Variants in EFCAB13 observed in about 807,000 individuals in gnomAD.
EFCAB13 encodes EF-hand calcium-binding domain-containing protein 13.
In EFCAB13, 91 loss-of-function variants were observed where a neutral mutation model predicts 110.2. The ratio of observed to expected loss-of-function variants is 0.83; its 90% CI spans 0.70 to 0.98. The LOEUF is 0.98. Among genes scored for constraint, EFCAB13 ranks in the 50% least tolerant of loss-of-function variants. The pLI is 0.00. For missense variants in EFCAB13, 968 were observed against 1,119.4 expected (o/e 0.86, Z 1.93); for synonymous variants, 323 against 369.9 (o/e 0.87, Z 1.45).
intron 9 of EFCAB13, among the ~76,000 whole-genome samples, chr17:47,355,345 A>T (rs1419213116): frequency 6.6e-6 from 1 of 152,132 alleles, no homozygotes; most frequent in Non-Finnish European, 1.5e-5. Flanking sequence ...TAACCTGATG[A>T]CTATGTGCCA....
chr17:47,438,031 C>A (rs1348986693), intron 24 of EFCAB13, among the ~76,000 whole-genome samples: 1 of 152,146 alleles, frequency 6.6e-6, no homozygotes, highest in Non-Finnish European at 1.5e-5. Flanking sequence ...ATCTTTCCTT[C>A]ATATATGATG....
intron 24 of EFCAB13, among the ~76,000 whole-genome samples, chr17:47,432,399 A>AAATAAAT (rs1905133812): frequency 7.2e-6 from 1 of 138,460 alleles, no homozygotes; most frequent in African/African-American, 2.8e-5. Flanking sequence ...ATCCATCTCA[A>AAATAAAT]AAATAAATAA....
chr17:47,405,690 T>G (rs2065801464), intron 20 of EFCAB13, among the ~76,000 whole-genome samples: 1 of 151,616 alleles, frequency 6.6e-6, no homozygotes, highest in Admixed American at 6.6e-5. Context: ...TATTTCTCAT[T>G]CTTAAATTTA....
At position 47,440,601 on chromosome 17, in the gene EFCAB13, G is replaced by A. The variant is rs946285516; in HGVS notation, c.2809G>A (p.Val937Ile). The change falls in exon 25 of 25, where the codon GTA becomes ATA. Residue 937 changes from valine to isoleucine, a missense_variant. Transcript: ENST00000331493. Reference sequence around the variant, plus strand: ...ACAGGATTCGATAGTTAAAGCACAGGTAAGTAAGAAGCAATACAATATGAA... The same window carrying A: ...ACAGGATTCGATAGTTAAAGCACAGATAAGTAAGAAGCAATACAATATGAA... ...TIQDSIVKAQ[V>I]SKKQYNMNIK... 7.4e-6 allele frequency: 12 copies of A among 1,612,776 alleles called. No individual in the cohort carries two copies. The highest frequency in any genetic ancestry group is 1.0e-5 in the Non-Finnish European group (12 of 1,179,466).
chr17:47,393,456 A>T (rs949371615), intron 15 of EFCAB13, among the ~76,000 whole-genome samples: 8 of 152,196 alleles, frequency 5.3e-5, no homozygotes, highest in African/African-American at 1.9e-4. Flanking sequence ...TAATGGCAAA[A>T]AAGGAGAAAG....
chr17:47,414,896 G>A lies in EFCAB13; in HGVS notation c.2471G>A (p.Ser824Asn), dbSNP rs1567803641. The change falls in exon 23 of 25, where the codon AGT (serine) becomes AAT (asparagine). Residue 824 changes from serine to asparagine, a missense_variant. Coordinates refer to ENST00000331493, the MANE Select transcript of EFCAB13 (RefSeq NM_152347.5). ...LKDFLMKMKE[S>N]PHFQKSKATQ... Reference sequence around the variant, plus strand: ...GATTTCTTAATGAAAATGAAAGAAAGTCCACATTTCCAAAAGTCCAAGGGT... The same window carrying A: ...GATTTCTTAATGAAAATGAAAGAAAATCCACATTTCCAAAAGTCCAAGGGT... 5.0e-6 allele frequency: 8 copies of A among 1,606,580 alleles called. No homozygotes were observed. Among genetic ancestry groups the A allele is most frequent in the Non-Finnish European group, 6.8e-6 (8 of 1,174,650 alleles).
chr17:47,384,064 T>C (rs2065661691), intron 14 of EFCAB13, among the ~76,000 whole-genome samples: 2 of 152,162 alleles, frequency 1.3e-5, no homozygotes, highest in African/African-American at 4.8e-5. Context: ...GCTCTTCTTG[T>C]TGCATTAATC....
chr17:47,435,835 G>A (rs924699860), intron 24 of EFCAB13, among the ~76,000 whole-genome samples: 1 of 152,102 alleles, frequency 6.6e-6, no homozygotes, highest in Admixed American at 6.5e-5. Context: ...AAGAGGAGTG[G>A]TGAGAGTGGG....
chr17:47,391,437 C>T lies in EFCAB13; in HGVS notation c.1583C>T (p.Ala528Val), dbSNP rs146472387. 48 of 1,545,272 alleles carry T rather than the reference C, an allele frequency of 3.1e-5. No individual in the cohort carries two copies. The highest frequency in any genetic ancestry group is 9.1e-5 in the South Asian group (7 of 76,550). Reference protein sequence around the residue: ...AKERSFPECNALPGVIKAIDK... With the variant: ...AKERSFPECNVLPGVIKAIDK... ...TATTAGCATACTCCTTTATTTTTAG[C>T]GTTGCCTGGTGTCATTAAAGCCATT... The change falls in exon 15 of 25, where the codon GCG (alanine) becomes GTG (valine). Residue 528 changes from alanine (A) to valine (V), a missense_variant and splice_region_variant. Physicochemically the swap from Ala to Val is moderately conservative, Grantham distance 64. Transcript: ENST00000331493.
chr17:47,414,160 A>G (rs1266188646), intron 22 of EFCAB13, among the ~76,000 whole-genome samples: 1 of 152,148 alleles, frequency 6.6e-6, no homozygotes, highest in African/African-American at 2.4e-5. Flanking sequence ...GTTTAAACTC[A>G]AAGTCTCCTT....
At chr17:47,397,319 T>C (rs2065745875) in intron 17 of EFCAB13, among the ~76,000 whole-genome samples, 1 of 152,158 alleles carries the variant, frequency 6.6e-6, no homozygotes, top group Admixed American at 6.5e-5. Flanking sequence ...CAGTGCTCAA[T>C]GGTGCCCAGG....
At chr17:47,398,555 CA>C (rs542208049) in intron 17 of EFCAB13, among the ~76,000 whole-genome samples, 496 of 151,822 alleles carry the variant, frequency 3.3e-3, no homozygotes, top group African/African-American at 0.012. Context: ...ACCTTACCCC[CA>C]ACCCTGTGCT....
In EFCAB13 at chr17:47,419,041, G is replaced by A. The variant is rs559228428; in HGVS notation, c.2494+4122G>A. ...AAAGCTGGTTCACCTGGTTCTATCT[G>A]TATATGATGAAGTAGCTTGTATTTT... On this transcript the variant is annotated intron_variant, in intron 23 of 24. Coordinates refer to ENST00000331493, the MANE Select transcript of EFCAB13 (RefSeq NM_152347.5). Among the ~76,000 whole-genome samples the A allele has an allele frequency of 5.9e-5, 9 of 152,236 alleles. No individual in the cohort carries two copies. In the East Asian group the frequency reaches 1.7e-3, roughly 29 times the overall value.
chr17:47,323,990 G>C lies in EFCAB13; in HGVS notation c.-402G>C, dbSNP rs1968912982. The C allele has an allele frequency of 6.6e-6, 1 of 152,446 alleles. No individual in the cohort carries two copies. Among genetic ancestry groups the C allele is most frequent in the Admixed American group, 6.5e-5 (1 of 15,290 alleles). The allele number at this position is 152,446 out of a possible 1,614,324, so 9.4% of individuals were successfully genotyped here. On this transcript the variant is annotated 5_prime_UTR_variant, in exon 1 of 25. Transcript: ENST00000331493. ...ATCCTGGGAAGGCTGCAGAGCTAGA[G>C]CAGCGCCGCCCGAGGGGCGGCAGGG...
chr17:47,330,335 A>G (rs1382139699), intron 4 of EFCAB13, among the ~76,000 whole-genome samples: 4 of 151,778 alleles, frequency 2.6e-5, no homozygotes, highest in South Asian at 2.1e-4. Flanking sequence ...CAGTAGCTTC[A>G]GGGGTACAAG....
intron 5 of EFCAB13, among the ~76,000 whole-genome samples, chr17:47,339,364 G>C (rs2065370462): frequency 6.6e-6 from 1 of 152,110 alleles, no homozygotes; most frequent in South Asian, 2.1e-4. Flanking sequence ...GGGATGGGGA[G>C]GAGGCAGGGG....
rs370786503 is a variant in EFCAB13, at chr17:47,391,531, C to G, written c.1677C>G (p.Tyr559Ter). 169 of 1,591,672 alleles carry G rather than the reference C, an allele frequency of 1.1e-4. 1 individual carries two copies. Among genetic ancestry groups the G allele is most frequent in the East Asian group, 1.0e-3 (44 of 43,484 alleles). ...CTTGTCTTCAAAATTTTGGTATTTA[C>G]CTTTCTAAGCCAGAATTTAAGAAGA... ...LNTCLQNFGI[Y>*]LSKPEFKKIT... Residue 559 changes from tyrosine to a stop codon, truncating the protein, a stop_gained, in exon 15 of 25, where the codon TAC becomes TAG. Transcript: ENST00000331493. LOFTEE classifies it high-confidence loss of function.
intron 10 of EFCAB13, among the ~76,000 whole-genome samples, chr17:47,368,643 T>TG (rs1598736595): frequency 1.3e-5 from 2 of 152,210 alleles, no homozygotes; most frequent in East Asian, 3.8e-4. Flanking sequence ...TGTAGCACCA[T>TG]GTGGCTCAAA....
chr17:47,328,273 T>A lies in EFCAB13; in HGVS notation c.-81T>A. The A allele has an allele frequency of 8.2e-7, 1 of 1,218,772 alleles. No homozygotes were observed. Among genetic ancestry groups the A allele is most frequent in the Non-Finnish European group, 1.2e-6 (1 of 828,852 alleles). The allele number at this position is 1,218,772 out of a possible 1,614,324, so 75.5% of individuals were successfully genotyped here. A position where few individuals can be genotyped will look rare whatever the true frequency, so the allele number is the denominator to read the frequency against. ...TTCTTTCTCTTTTTTTGGCAGGAAA[T>A]CCTTTTGTACTATTGCTCATTCATA... is the stretch of plus-strand genomic sequence containing the variant. On this transcript the variant is annotated 5_prime_UTR_variant, in exon 4 of 25. Coordinates refer to ENST00000331493, the MANE Select transcript of EFCAB13 (RefSeq NM_152347.5).
Sources: allele counts gnomAD v4.1 joint callset (sites outside exome capture counted in the v4.1 genomes callset), GRCh38; gene constraint gnomAD v4.1.1; transcripts MANE v1.5; gene names NCBI Gene and HGNC (gene_info 2026-07-23, HGNC 2026-07-21).